Variants in SUPT3H observed in about 807,000 individuals in gnomAD.
SUPT3H encodes the protein SPT3 homolog, SAGA and STAGA complex component, also known as transcription initiation protein SPT3 homolog.
Under a neutral mutation model 44.3 loss-of-function variants are expected in SUPT3H, and 44 were observed. The observed-to-expected ratio is 0.99, with a 90% confidence interval of 0.78 to 1.28. The LOEUF (loss-of-function observed/expected upper bound fraction) is 1.28. Among genes scored for constraint, SUPT3H ranks in the 50% most tolerant of loss-of-function variants. SUPT3H has a pLI of 0.00. For synonymous variants in SUPT3H, 124 were observed against 125.6 expected (o/e 0.99, Z 0.09); for missense variants, 380 against 387.1 (o/e 0.98, Z 0.15).
chr6:45,210,734 C>CA (rs2153630298), intron 2 of SUPT3H, among the ~76,000 whole-genome samples: 1 of 152,306 alleles, frequency 6.6e-6, no homozygotes, highest in Admixed American at 6.5e-5. Flanking sequence ...GATACTTTTG[C>CA]ATTCACAGAC....
intron 10 of SUPT3H, among the ~76,000 whole-genome samples, chr6:44,895,886 T>TA (rs35932587): frequency 1.3e-5 from 2 of 151,162 alleles, no homozygotes; most frequent in South Asian, 4.2e-4. Context: ...TAAAGTAGGG[T>TA]AAAAAAAGTG....
chr6:45,037,651 G>A (rs1435734862), intron 3 of SUPT3H, among the ~76,000 whole-genome samples: 1 of 151,214 alleles, frequency 6.6e-6, no homozygotes, highest in Non-Finnish European at 1.5e-5. Flanking sequence ...ATGACAGAGC[G>A]AGACTCCATA....
intron 10 of SUPT3H, among the ~76,000 whole-genome samples, chr6:44,842,162 G>A (rs1047753298): frequency 5.3e-5 from 8 of 152,162 alleles, no homozygotes; most frequent in African/African-American, 9.7e-5. Flanking sequence ...GGAAGGCTTT[G>A]ATAGGATGCT....
intron 2 of SUPT3H, among the ~76,000 whole-genome samples, chr6:45,234,503 C>T (rs997714948): frequency 1.4e-5 from 2 of 146,816 alleles, no homozygotes; most frequent in East Asian, 4.0e-4. Context: ...TGCACTCCTG[C>T]CTGGGAGACA....
intron 2 of SUPT3H, among the ~76,000 whole-genome samples, chr6:45,111,458 T>C (rs1384429278): frequency 3.9e-5 from 6 of 152,050 alleles, no homozygotes; most frequent in Non-Finnish European, 8.8e-5. Flanking sequence ...TGAGGGGTTT[T>C]CCAAAGTGTT....
chr6:45,322,484 G>A (rs905103207), intron 2 of SUPT3H, among the ~76,000 whole-genome samples: 5 of 151,778 alleles, frequency 3.3e-5, no homozygotes, highest in Admixed American at 2.0e-4. Flanking sequence ...TCACTGCTAT[G>A]CTTTCTGAGA....
chr6:44,906,529 C>A (rs867833972), intron 10 of SUPT3H, among the ~76,000 whole-genome samples: 1 of 152,100 alleles, frequency 6.6e-6, no homozygotes, highest in East Asian at 1.9e-4. Flanking sequence ...TTTGGGAGGC[C>A]GAGTTGGGCG....
intron 2 of SUPT3H, among the ~76,000 whole-genome samples, chr6:45,220,680 A>G (rs572803171): frequency 2.7e-4 from 41 of 152,336 alleles, no homozygotes; most frequent in South Asian, 1.7e-3. Context: ...AGAAAATCAC[A>G]AAGAATCTAC....
At position 44,924,397 on chromosome 6, in the gene SUPT3H, G is replaced by A. The variant is rs114320821; in HGVS notation, c.912+8256C>T. Reference sequence around the variant, plus strand: ...TTCAAAATACACCTATACTTACTGAGTGAAATTTTAAGAGTGGATCTTCCT... The same window carrying A: ...TTCAAAATACACCTATACTTACTGAATGAAATTTTAAGAGTGGATCTTCCT... On this transcript the variant is annotated intron_variant, in intron 10 of 10. Coordinates refer to ENST00000371459, the MANE Select transcript of SUPT3H (RefSeq NM_003599.4). Among the ~76,000 whole-genome samples, 986 of 152,146 alleles carry A rather than the reference G, an allele frequency of 6.5e-3. 12 individuals are homozygous for A. The highest frequency in any genetic ancestry group is 0.022 in the African/African-American group (931 of 41,550).
downstream of SUPT3H, among the ~76,000 whole-genome samples, chr6:44,826,656 C>T (rs1394902951): frequency 1.3e-5 from 2 of 152,086 alleles, no homozygotes; most frequent in South Asian, 4.1e-4. Context: ...AAAGCATTGC[C>T]TGATTTGAGA....
At chr6:45,148,897 T>C (rs1806500490) in intron 2 of SUPT3H, among the ~76,000 whole-genome samples, 1 of 152,188 alleles carries the variant, frequency 6.6e-6, no homozygotes. Context: ...GCAAATATGT[T>C]GCATTTTAGC....
rs530068231 is a variant in SUPT3H at position 44,900,396 on chromosome 6, G to A, written c.912+32257C>T. Among the ~76,000 whole-genome samples the A allele has an allele frequency of 2.0e-5, 3 of 152,354 alleles. No individual in the cohort carries two copies. In the South Asian group the frequency reaches 6.2e-4, roughly 32 times the overall value. ...TTATATTCTGCGCCTGGCTCGGAGG[G>A]TCCTATGCCCACGGAGCCTCGCTCA... On this transcript the variant is annotated intron_variant, in intron 10 of 10. Coordinates refer to ENST00000371459, the MANE Select transcript of SUPT3H (RefSeq NM_003599.4).
intron 10 of SUPT3H, among the ~76,000 whole-genome samples, chr6:44,900,610 A>C (rs568462608): frequency 3.3e-5 from 5 of 152,206 alleles, no homozygotes; most frequent in Non-Finnish European, 7.3e-5. Flanking sequence ...GGCTTAGCCA[A>C]ACTAAAGGCA....
At chr6:44,877,653 T>C (rs1017315795) in intron 10 of SUPT3H, among the ~76,000 whole-genome samples, 1 of 152,186 alleles carries the variant, frequency 6.6e-6, no homozygotes, top group Non-Finnish European at 1.5e-5. Context: ...TTTATGTGTG[T>C]GTGTATCTAT....
intron 2 of SUPT3H, among the ~76,000 whole-genome samples, chr6:45,176,116 G>C (rs982842357): frequency 1.3e-5 from 2 of 150,634 alleles, no homozygotes; most frequent in African/African-American, 2.4e-5. Context: ...AGCTCCCAGC[G>C]TGAGCGACGC....
intron 10 of SUPT3H, among the ~76,000 whole-genome samples, chr6:44,897,895 T>C (rs1764348317): frequency 2.0e-5 from 3 of 152,218 alleles, no homozygotes; most frequent in African/African-American, 7.2e-5. Flanking sequence ...AGAGTTGACA[T>C]TTAATTTTTT....
rs142161885 is a variant in SUPT3H, at chr6:44,900,283, G to C, written c.912+32370C>G. On this transcript the variant is annotated intron_variant, in intron 10 of 10. Transcript: ENST00000371459. ...AATTACCTTTCCTAGTCAAAGAAAG[G>C]GGTGACAGACTGCACCTGGAAAATC... is the stretch of plus-strand genomic sequence containing the variant. Among the ~76,000 whole-genome samples, 89 of 152,312 alleles carry C rather than the reference G, an allele frequency of 5.8e-4. No individual in the cohort carries two copies. The East Asian group carries it at 0.015, about 26-fold the overall frequency.
At chr6:44,886,846 C>T (rs1004959459) in intron 10 of SUPT3H, among the ~76,000 whole-genome samples, 2 of 152,100 alleles carry the variant, frequency 1.3e-5, no homozygotes, top group African/African-American at 4.8e-5. Context: ...AGTCAAGACC[C>T]ATCAGTGTGC....
intron 2 of SUPT3H, among the ~76,000 whole-genome samples, chr6:45,168,024 T>A (rs1471686479): frequency 6.6e-6 from 1 of 152,114 alleles, no homozygotes; most frequent in Non-Finnish European, 1.5e-5. Context: ...TTGGTCAGGC[T>A]GGTCTCGAAC....
Sources: allele counts gnomAD v4.1 joint callset (sites outside exome capture counted in the v4.1 genomes callset), GRCh38; gene constraint gnomAD v4.1.1; transcripts MANE v1.5; gene names NCBI Gene and HGNC (gene_info 2026-07-23, HGNC 2026-07-21).